Variants in APOBEC3C observed in about 807,000 individuals in gnomAD.
APOBEC3C encodes apolipoprotein B mRNA editing enzyme catalytic subunit 3C, also known as DNA dC->dU-editing enzyme APOBEC-3C.
A neutral mutation model predicts 20.6 loss-of-function variants in APOBEC3C; 14 were observed. The ratio of observed to expected loss-of-function variants is 0.68; its 90% CI spans 0.45 to 1.06. The LOEUF (loss-of-function observed/expected upper bound fraction) is 1.06. Ranked by LOEUF, APOBEC3C falls within the 50% of genes least tolerant of loss-of-function variation. The probability of loss-of-function intolerance (pLI) is 0.00; values close to 1 mark genes in which losing one functional copy is unlikely to be tolerated. For synonymous variants in APOBEC3C, 98 were observed against 88.8 expected, an observed-to-expected ratio of 1.10 and a Z score of -0.58; for missense variants, 244 against 241.9, an observed-to-expected ratio of 1.01 and a Z score of -0.06.
chr22:39,016,709 C>CG (rs963525777), intron 2 of APOBEC3C, among the ~76,000 whole-genome samples: 7 of 152,070 alleles, frequency 4.6e-5, no homozygotes, highest in Admixed American at 2.6e-4. Context: ...CTGTGGGAAG[C>CG]GGGGGGTGTT....
rs1924947347 is a variant in APOBEC3C, at chr22:39,019,629, T to C, written c.*1242T>C. The C allele has an allele frequency of 6.6e-6, 1 of 152,046 alleles. No individual in the cohort carries two copies. Among genetic ancestry groups the C allele is most frequent in the Non-Finnish European group, 1.5e-5 (1 of 68,030 alleles). The allele number at this position is 152,046 out of a possible 1,614,324, so 9.4% of individuals were successfully genotyped here. A position where few individuals can be genotyped will look rare whatever the true frequency, so the allele number is the denominator to read the frequency against. On this transcript the variant is annotated 3_prime_UTR_variant, in exon 4 of 4. Transcript: ENST00000361441. ...GCCAGGTGCCCACATGGCAGGCATT[T>C]ATTTTCTCACAGATCTGGAAGCTGC... is the stretch of plus-strand genomic sequence containing the variant.
At position 39,019,796 on chromosome 22, in the gene APOBEC3C, ATCTTTTT is replaced by A. The variant is rs1490387501; in HGVS notation, c.*1411_*1417del. 1.3e-5 allele frequency: 1 copy of A among 76,650 alleles called. No individual in the cohort carries two copies. The highest frequency in any genetic ancestry group is 2.4e-5 in the Non-Finnish European group (1 of 40,988). The allele number at this position is 76,650 out of a possible 1,614,324, so 4.7% of individuals were successfully genotyped here. ...TGGGATCTCTCTGCCTCCAAATATC[ATCTTTTT>A]TTTTTTTTTTTTTTTTTTTGAGACA... On this transcript the variant is annotated 3_prime_UTR_variant, in exon 4 of 4. Coordinates refer to ENST00000361441, the MANE Select transcript of APOBEC3C (RefSeq NM_014508.3).
chr22:39,015,569 T>C (rs750789262), intron 1 of APOBEC3C, 26 bp from the exon 2 acceptor site: 1 of 1,611,406 alleles, frequency 6.2e-7, no homozygotes, highest in South Asian at 1.1e-5. Flanking sequence ...GGTCTCTGCA[T>C]TGGGGTTTCT....
chr22:39,015,046 C>G (rs2146310196), intron 1 of APOBEC3C, among the ~76,000 whole-genome samples: 1 of 152,254 alleles, frequency 6.6e-6, no homozygotes, highest in South Asian at 2.1e-4. Context: ...GCCTGTAATC[C>G]TAGCACTTTG....
intron 3 of APOBEC3C, 109 bp downstream of exon 3, chr22:39,018,154 C>T: frequency 6.4e-7 from 1 of 1,571,432 alleles, no homozygotes; most frequent in South Asian, 1.2e-5. Flanking sequence ...TCTGTGGGGA[C>T]CGGGCCAGCG....
At position 39,019,133 on chromosome 22, in the gene APOBEC3C, G is replaced by A. The variant is rs1018097272; in HGVS notation, c.*746G>A. 1.3e-5 allele frequency: 2 copies of A among 152,240 alleles called. No individual in the cohort carries two copies. The highest frequency in any genetic ancestry group is 2.9e-5 in the Non-Finnish European group (2 of 68,062). 9.4% of individuals were successfully genotyped at this position (152,240 alleles called of 1,614,324 possible). ...TCCTACCCAGCTAAAACAGAGGCCA[G>A]GAGCCAGGGAGGAAAAGCAGTCAGG... On this transcript the variant is annotated 3_prime_UTR_variant, in exon 4 of 4. Transcript: ENST00000361441.
Position 39,018,343 on chromosome 22 carries a change from A to G in APOBEC3C, c.529A>G (p.Asn177Asp), listed in dbSNP as rs1924880939. 1 of 1,614,154 alleles carries G rather than the reference A, an allele frequency of 6.2e-7. No homozygotes were observed. The highest frequency in any genetic ancestry group is 2.2e-5 in the East Asian group (1 of 44,876). Residue 177 changes from asparagine (N) to aspartate (D), a missense_variant, in exon 4 of 4, where the codon AAC becomes GAC. Transcript: ENST00000361441. Reference protein sequence around the residue: ...PFKPWKGLKTNFRLLKRRLRE... With the variant: ...PFKPWKGLKTDFRLLKRRLRE... ...CAAGCCTTGGAAGGGATTAAAAACC[A>G]ACTTTCGACTTCTGAAAAGAAGGCT...
intron 2 of APOBEC3C, 83 bp downstream of exon 2, chr22:39,015,834 G>C: frequency 7.0e-7 from 1 of 1,420,176 alleles, no homozygotes; most frequent in Non-Finnish European, 9.6e-7. Flanking sequence ...TGATGTGCCC[G>C]GCGTGGGCTC....
Position 39,018,659 on chromosome 22 carries a change from A to C in APOBEC3C, c.*272A>C. On this transcript the variant is annotated 3_prime_UTR_variant, in exon 4 of 4. Transcript: ENST00000361441. ...GCGTGCCCCTAACCTGGCTTTTCCC[A>C]TCTCCCCAGCATAACCAAATCTTAC... 2 of 308,336 alleles carry C rather than the reference A, an allele frequency of 6.5e-6. No homozygotes were observed. Among genetic ancestry groups the C allele is most frequent in the South Asian group, 4.8e-5 (1 of 20,838 alleles). The allele number at this position is 308,336 out of a possible 1,614,324, so 19.1% of individuals were successfully genotyped here.
chr22:39,014,471 G>GCCCCAC (rs1924711554), intron 1 of APOBEC3C, 92 bp downstream of exon 1: 1 of 1,414,952 alleles, frequency 7.1e-7, no homozygotes. Context: ...CCCTGCCCCA[G>GCCCCAC]CCCCACCTCT....
chr22:39,016,039 C>A (rs1175683388), intron 2 of APOBEC3C, among the ~76,000 whole-genome samples: 1 of 151,750 alleles, frequency 6.6e-6, no homozygotes, highest in Non-Finnish European at 1.5e-5. Flanking sequence ...CCATGCCCAG[C>A]CAATTCTTTT....
Position 39,018,334 on chromosome 22 carries a change from T to C in APOBEC3C, c.520T>C (p.Leu174=). ...TGAGCCATTCAAGCCTTGGAAGGGA[T>C]TAAAAACCAACTTTCGACTTCTGAA... ...DNEPFKPWKG[L]KTNFRLLKRR... The change falls in exon 4 of 4, where the codon TTA becomes CTA. Residue 174 remains leucine, a synonymous_variant. Transcript: ENST00000361441. The C allele has an allele frequency of 1.2e-6, 2 of 1,614,090 alleles. No individual in the cohort carries two copies. Among genetic ancestry groups the C allele is most frequent in the Non-Finnish European group, 1.7e-6 (2 of 1,179,986 alleles).
chr22:39,017,779 C>T lies in APOBEC3C; in HGVS notation c.188C>T (p.Thr63Ile), dbSNP rs200677189. Reference sequence around the variant, plus strand: ...CTCCTTCGCCAGGTGGATTCTGAGACCCATTGTCATGCAGAAAGGTGCTTC... The same window carrying T: ...CTCCTTCGCCAGGTGGATTCTGAGATCCATTGTCATGCAGAAAGGTGCTTC... ...GVFRNQVDSE[T>I]HCHAERCFLS... Residue 63 changes from threonine to isoleucine, a missense_variant, in exon 3 of 4, where the codon ACC (threonine) becomes ATC (isoleucine). Physicochemically the swap from Thr to Ile is moderately conservative, Grantham distance 89 (BLOSUM62 -1). Coordinates refer to ENST00000361441, the MANE Select transcript of APOBEC3C (RefSeq NM_014508.3). 1.2e-6 allele frequency: 2 copies of T among 1,613,250 alleles called. No individual in the cohort carries two copies. Among genetic ancestry groups the T allele is most frequent in the East Asian group, 2.2e-5 (1 of 44,868 alleles).
At chr22:39,016,385 T>C (rs1461888639) in intron 2 of APOBEC3C, among the ~76,000 whole-genome samples, 1 of 146,194 alleles carries the variant, frequency 6.8e-6, no homozygotes, top group Non-Finnish European at 1.5e-5. Context: ...TTTTTTCTTT[T>C]TTTTTTTTTT....
At chr22:39,016,758 G>A (rs1924799732) in intron 2 of APOBEC3C, among the ~76,000 whole-genome samples, 1 of 152,158 alleles carries the variant, frequency 6.6e-6, no homozygotes. Flanking sequence ...CTGCGGGCTG[G>A]TGGGGCCGCC....
rs748021941 is a variant in APOBEC3C at position 39,017,805 on chromosome 22, C to T, written c.214C>T (p.Leu72Phe). The change falls in exon 3 of 4, where the codon CTC (leucine) becomes TTC (phenylalanine). Residue 72 changes from leucine to phenylalanine, a missense_variant. Coordinates refer to ENST00000361441, the MANE Select transcript of APOBEC3C (RefSeq NM_014508.3). ...ETHCHAERCFLSWFCDDILSP... is the reference protein window; with the variant it reads ...ETHCHAERCFFSWFCDDILSP... Reference sequence around the variant, plus strand: ...CCATTGTCATGCAGAAAGGTGCTTCCTCTCTTGGTTCTGCGACGACATACT... The same window carrying T: ...CCATTGTCATGCAGAAAGGTGCTTCTTCTCTTGGTTCTGCGACGACATACT... 1.9e-6 allele frequency: 3 copies of T among 1,613,946 alleles called. No homozygotes were observed. The highest frequency in any genetic ancestry group is 2.5e-6 in the Non-Finnish European group (3 of 1,179,886).
At chr22:39,015,932 G>A (rs964395315) in intron 2 of APOBEC3C, among the ~76,000 whole-genome samples, 181 bp downstream of exon 2, 1 of 147,274 alleles carries the variant, frequency 6.8e-6, no homozygotes, top group Non-Finnish European at 1.5e-5. Context: ...CTGGAATGCA[G>A]TGGTCTGATT....
At chr22:39,015,800 G>A (rs1924760081) in intron 2 of APOBEC3C, 49 bp downstream of exon 2, 1 of 1,573,286 alleles carries the variant, frequency 6.4e-7, no homozygotes, top group Non-Finnish European at 8.6e-7. Context: ...AAGCAGCTGG[G>A]AATGCAGAAA....
chr22:39,017,722 C>T, intron 2 of APOBEC3C, 44 bp from the exon 3 acceptor site: 2 of 1,592,934 alleles, frequency 1.3e-6, no homozygotes, highest in South Asian at 1.1e-5. Flanking sequence ...ACTCCTCCTG[C>T]TCCTGGTCTG....
Sources: allele counts gnomAD v4.1 joint callset (sites outside exome capture counted in the v4.1 genomes callset), GRCh38; gene constraint gnomAD v4.1.1; transcripts MANE v1.5; gene names NCBI Gene and HGNC (gene_info 2026-07-23, HGNC 2026-07-21).